The following TP63 variants were observed in gnomAD, a reference collection of about 807,000 sequenced individuals.
TP63 encodes the protein tumor protein p63.
Under a neutral mutation model 82.8 loss-of-function variants are expected in TP63, and 17 were observed. The ratio of observed to expected loss-of-function variants is 0.21; its 90% CI spans 0.14 to 0.31. The LOEUF (loss-of-function observed/expected upper bound fraction) is 0.31, where lower values mean the gene tolerates loss of function less well. Among genes scored for constraint, TP63 ranks in the 10% least tolerant of loss-of-function variants. The probability of loss-of-function intolerance (pLI) is 1.00; values close to 1 mark genes in which losing one functional copy is unlikely to be tolerated. For missense variants in TP63, 648 were observed against 895.3 expected (o/e 0.72, Z 3.52); for synonymous variants, 330 against 321.7 (o/e 1.03, Z -0.28).
intron 3 of TP63, among the ~76,000 whole-genome samples, chr3:189,777,533 T>A (rs1723892691): frequency 6.6e-6 from 1 of 152,108 alleles, no homozygotes; most frequent in Admixed American, 6.5e-5. Context: ...TTCATGTCTC[T>A]GTCTTTTGTC....
At chr3:189,614,356 G>T in the TP63 span, among the ~76,000 whole-genome samples, 1 of 151,854 alleles carries the variant, frequency 6.6e-6, no homozygotes, top group Non-Finnish European at 1.5e-5. Context: ...AGTGCTTTTT[G>T]CCTCCTGCCA....
intron 1 of TP63, among the ~76,000 whole-genome samples, chr3:189,720,558 A>C (rs749007197): frequency 2.0e-5 from 3 of 151,896 alleles, no homozygotes; most frequent in Non-Finnish European, 4.4e-5. Flanking sequence ...AACATGGAGA[A>C]ACCCCGTCTC....
intron 1 of TP63, among the ~76,000 whole-genome samples, chr3:189,735,057 G>C (rs9870676): frequency 0.9 from 136,846 of 152,252 alleles, 61,587 homozygotes; most frequent in African/African-American, 0.92. Flanking sequence ...TCAAGGTTGC[G>C]AATGACCTCC....
intron 1 of TP63, among the ~76,000 whole-genome samples, chr3:189,642,829 C>G (rs1712017702): frequency 6.6e-6 from 1 of 151,788 alleles, no homozygotes; most frequent in South Asian, 2.1e-4. Context: ...TCAGTAAATT[C>G]TATATAGAAA....
At chr3:189,724,929 C>G (rs1273430222) in intron 1 of TP63, among the ~76,000 whole-genome samples, 1 of 152,066 alleles carries the variant, frequency 6.6e-6, no homozygotes, top group Non-Finnish European at 1.5e-5. Flanking sequence ...AACACAGTCT[C>G]GGATAATTGA....
chr3:189,665,339 A>G (rs1359547174), intron 1 of TP63, among the ~76,000 whole-genome samples: 1 of 152,154 alleles, frequency 6.6e-6, no homozygotes, highest in Non-Finnish European at 1.5e-5. Context: ...AATATCACAA[A>G]TATTGATCAG....
chr3:189,743,966 C>T (rs992303105), intron 3 of TP63, among the ~76,000 whole-genome samples: 3 of 152,126 alleles, frequency 2.0e-5, no homozygotes, highest in African/African-American at 7.2e-5. Flanking sequence ...AGTATTGCTC[C>T]AGAGAGGGAG....
intron 1 of TP63, among the ~76,000 whole-genome samples, chr3:189,655,707 A>G (rs770563738): frequency 3.9e-5 from 6 of 152,344 alleles, no homozygotes; most frequent in Middle Eastern, 6.8e-3. Context: ...ATAAAGTGGT[A>G]AGAACACTTA....
chr3:189,880,114 C>T, intron 10 of TP63: 1 of 1,613,922 alleles, frequency 6.2e-7, no homozygotes. Flanking sequence ...CGGAGAGAAA[C>T]TCCAAAACAA....
intron 4 of TP63, among the ~76,000 whole-genome samples, chr3:189,822,245 A>G (rs1485204880): frequency 6.6e-6 from 1 of 152,166 alleles, no homozygotes; most frequent in African/African-American, 2.4e-5. Context: ...TTTACACTAA[A>G]CCTACCTTAT....
intron 4 of TP63, among the ~76,000 whole-genome samples, chr3:189,814,561 A>T (rs1727953218): frequency 6.6e-6 from 1 of 152,238 alleles, no homozygotes; most frequent in East Asian, 1.9e-4. Flanking sequence ...TGATGAAGAA[A>T]ATAATAGCAT....
chr3:189,668,789 G>C (rs970486775), intron 1 of TP63, among the ~76,000 whole-genome samples: 1 of 152,064 alleles, frequency 6.6e-6, no homozygotes. Context: ...AAGGCGGGAG[G>C]ATTGCCAGAG....
intron 4 of TP63, among the ~76,000 whole-genome samples, chr3:189,821,009 T>A (rs1178745968): frequency 2.6e-5 from 4 of 152,222 alleles, no homozygotes; most frequent in Non-Finnish European, 5.9e-5. Flanking sequence ...TTAGGTGGTC[T>A]TAATGAATGA....
intron 4 of TP63, among the ~76,000 whole-genome samples, chr3:189,814,729 G>A (rs762489604): frequency 5.3e-5 from 8 of 152,140 alleles, no homozygotes; most frequent in Non-Finnish European, 1.0e-4. Context: ...GCATGCTTCC[G>A]AAGAGTTGTT....
At chr3:189,802,012 A>G (rs564198495) in intron 3 of TP63, among the ~76,000 whole-genome samples, 2 of 152,326 alleles carry the variant, frequency 1.3e-5, no homozygotes, top group East Asian at 3.9e-4. Context: ...TTGAATACCA[A>G]TATATTTTCT....
At chr3:189,757,550 G>A (rs1294938205) in intron 3 of TP63, among the ~76,000 whole-genome samples, 1 of 152,200 alleles carries the variant, frequency 6.6e-6, no homozygotes, top group Non-Finnish European at 1.5e-5. Context: ...TCTTTAGACT[G>A]TGTTAAATTT....
intron 1 of TP63, among the ~76,000 whole-genome samples, chr3:189,688,456 C>T (rs1266193225): frequency 1.3e-5 from 2 of 152,198 alleles, no homozygotes. Flanking sequence ...TTCACACACA[C>T]TTCTGACACT....
intron 7 of TP63, 123 bp downstream of exon 7, chr3:189,868,065 A>G (rs1280908223): frequency 3.7e-6 from 3 of 809,330 alleles, no homozygotes; most frequent in Non-Finnish European, 6.3e-6. Flanking sequence ...TTTGTGCTCT[A>G]AATCCTTGCT....
At chr3:189,842,818 C>T (rs1310737981) in intron 4 of TP63, among the ~76,000 whole-genome samples, 1 of 152,114 alleles carries the variant, frequency 6.6e-6, no homozygotes, top group Non-Finnish European at 1.5e-5. Flanking sequence ...AAGAGTAAGC[C>T]GACCTTAACA....
Sources: allele counts gnomAD v4.1 joint callset (sites outside exome capture counted in the v4.1 genomes callset), GRCh38; gene constraint gnomAD v4.1.1; transcripts MANE v1.5; gene names NCBI Gene and HGNC (gene_info 2026-07-23, HGNC 2026-07-21).